The following SCML4 variants were observed in gnomAD, a reference collection of about 807,000 sequenced individuals.
SCML4 encodes sex comb on midleg-like protein 4.
In SCML4, 34 loss-of-function variants were observed where a neutral mutation model predicts 41.1. The ratio of observed to expected loss-of-function variants is 0.83; its 90% confidence interval spans 0.63 to 1.10. The LOEUF (loss-of-function observed/expected upper bound fraction) is 1.10. Among genes scored for constraint, SCML4 ranks in the 50% least tolerant of loss-of-function variants. The pLI, the probability that SCML4 is intolerant of heterozygous loss-of-function variation, is 0.00. For missense variants in SCML4, 522 were observed against 534.1 expected, an observed-to-expected ratio of 0.98 and a Z score of 0.22; for synonymous variants, 214 against 220.9, an observed-to-expected ratio of 0.97 and a Z score of 0.28.
intron 1 of SCML4, among the ~76,000 whole-genome samples, chr6:107,785,358 C>T (rs566331965): frequency 6.6e-6 from 1 of 152,310 alleles, no homozygotes; most frequent in South Asian, 2.1e-4. Context: ...GCTGTTGCGC[C>T]CCACTGCTGA....
chr6:107,790,360 A>T (rs971679672), intron 1 of SCML4, among the ~76,000 whole-genome samples: 1 of 152,156 alleles, frequency 6.6e-6, no homozygotes, highest in Non-Finnish European at 1.5e-5. Context: ...GGGGAGAGAG[A>T]GCAATACAAT....
chr6:107,796,808 G>T (rs1265220448), intron 1 of SCML4, among the ~76,000 whole-genome samples: 3 of 151,940 alleles, frequency 2.0e-5, no homozygotes, highest in African/African-American at 7.3e-5. Context: ...TTTTGTTGTT[G>T]TACTTATCAC....
intron 6 of SCML4, among the ~76,000 whole-genome samples, chr6:107,716,127 G>T (rs1206569246): frequency 6.6e-6 from 1 of 152,136 alleles, no homozygotes; most frequent in Non-Finnish European, 1.5e-5. Flanking sequence ...TATCTCCATG[G>T]TTTCCAAACA....
At chr6:107,730,286 G>T (rs1361164864) in intron 5 of SCML4, among the ~76,000 whole-genome samples, 1 of 151,998 alleles carries the variant, frequency 6.6e-6, no homozygotes, top group Non-Finnish European at 1.5e-5. Context: ...TCTAACTCCT[G>T]CACACAGAGT....
intron 1 of SCML4, among the ~76,000 whole-genome samples, chr6:107,774,805 T>C (rs544324870): frequency 2.0e-5 from 3 of 152,106 alleles, no homozygotes; most frequent in African/African-American, 4.8e-5. Flanking sequence ...GCAGATCACC[T>C]GAGGTCAGGA....
intron 6 of SCML4, chr6:107,719,334 A>G (rs1007199590): frequency 6.6e-6 from 1 of 152,438 alleles, no homozygotes; most frequent in Non-Finnish European, 1.5e-5. Flanking sequence ...GGTCAGGGCC[A>G]CGCTCATCTG....
In SCML4 at chr6:107,762,244, C is replaced by T. The variant is rs13217134; in HGVS notation, c.156+9928G>A. 6.8e-3 allele frequency among the ~76,000 whole-genome samples: 1,028 copies of T among 151,834 alleles called. 9 individuals carry two copies. The highest frequency in any genetic ancestry group is 0.01 in the Non-Finnish European group (701 of 67,930). On this transcript the variant is annotated intron_variant, in intron 2 of 7. Transcript: ENST00000369020. ...GCCATTAATACAACAGAAAACAGAA[C>T]GCTTGACTTCCAATGAATGGGAAAG...
intron 1 of SCML4, among the ~76,000 whole-genome samples, chr6:107,817,068 T>C (rs1213205909): frequency 6.6e-6 from 1 of 152,192 alleles, no homozygotes; most frequent in African/African-American, 2.4e-5. Flanking sequence ...CTGTTAAAAA[T>C]TTACAGGGAC....
At chr6:107,763,695 T>A (rs1218125643) in intron 2 of SCML4, among the ~76,000 whole-genome samples, 1 of 152,138 alleles carries the variant, frequency 6.6e-6, no homozygotes, top group Non-Finnish European at 1.5e-5. Flanking sequence ...CCGGGATTAG[T>A]GTTCTTAAAA....
chr6:107,797,144 A>T (rs999243082), intron 1 of SCML4, among the ~76,000 whole-genome samples: 1 of 152,078 alleles, frequency 6.6e-6, no homozygotes, highest in African/African-American at 2.4e-5. Context: ...ATTGTTTTGT[A>T]ATTTGCATTT....
intron 2 of SCML4, among the ~76,000 whole-genome samples, chr6:107,760,144 T>C (rs538586869): frequency 1.3e-5 from 2 of 152,338 alleles, no homozygotes; most frequent in South Asian, 4.1e-4. Flanking sequence ...ATATTTGGAA[T>C]GTTAATTAGA....
intron 1 of SCML4, among the ~76,000 whole-genome samples, chr6:107,773,201 T>C (rs770268492): frequency 5.3e-5 from 8 of 152,214 alleles, no homozygotes; most frequent in Non-Finnish European, 8.8e-5. Context: ...AAGGCAAAGA[T>C]GGCAGGACTA....
intron 7 of SCML4, among the ~76,000 whole-genome samples, chr6:107,707,201 C>CT (rs910010129): frequency 6.7e-6 from 1 of 149,402 alleles, no homozygotes; most frequent in Non-Finnish European, 1.5e-5. Flanking sequence ...CTCGGGTGGG[C>CT]TGAGGCACAA....
chr6:107,723,172 T>A (rs541166704), intron 5 of SCML4, among the ~76,000 whole-genome samples: 7 of 152,314 alleles, frequency 4.6e-5, no homozygotes, highest in Admixed American at 1.3e-4. Flanking sequence ...ATACAGATGC[T>A]TTTTGCTTAC....
At chr6:107,793,872 G>A (rs1280716201) in intron 1 of SCML4, among the ~76,000 whole-genome samples, 1 of 152,126 alleles carries the variant, frequency 6.6e-6, no homozygotes, top group Non-Finnish European at 1.5e-5. Flanking sequence ...TTGAGCCTGG[G>A]AGGTTTCAGT....
At chr6:107,757,454 G>A (rs1779208371) in intron 2 of SCML4, among the ~76,000 whole-genome samples, 1 of 152,176 alleles carries the variant, frequency 6.6e-6, no homozygotes, top group Admixed American at 6.5e-5. Flanking sequence ...GGGGAAGGAT[G>A]AGGATGTATA....
intron 5 of SCML4, among the ~76,000 whole-genome samples, chr6:107,727,910 G>A (rs982095075): frequency 6.6e-6 from 1 of 152,182 alleles, no homozygotes; most frequent in Non-Finnish European, 1.5e-5. Flanking sequence ...CAGGTGCTTT[G>A]GTATATGTGA....
rs767651595 is a variant in SCML4 at position 107,720,817 on chromosome 6, C to T, written c.859G>A (p.Ala287Thr). The T allele has an allele frequency of 5.6e-6, 9 of 1,614,016 alleles. No individual in the cohort carries two copies. In the South Asian group the frequency reaches 7.7e-5, roughly 14 times the overall value. Residue 287 changes from alanine (A) to threonine (T), a missense_variant, in exon 6 of 8, where the codon GCT (alanine) becomes ACT (threonine). Transcript: ENST00000369020. ...ATGGGGCTAGTGCGGGGACCACCAG[C>T]GGTGGCAGCAGGACCACCCCCAAGG... ...SHLGGGPAAT[A>T]GGPRTSPMSS...
intron 3 of SCML4, among the ~76,000 whole-genome samples, chr6:107,747,478 A>T (rs1778241852): frequency 6.6e-6 from 1 of 152,114 alleles, no homozygotes; most frequent in Non-Finnish European, 1.5e-5. Context: ...TTGATAAAAA[A>T]TTGGGGGGGC....
Sources: gnomAD v4.1 joint callset for allele counts (sites outside exome capture counted in the v4.1 genomes callset) on GRCh38, gnomAD v4.1.1 for gene constraint, MANE v1.5 for transcripts, NCBI Gene and HGNC (gene_info 2026-07-23, HGNC 2026-07-21) for gene names.